DPF3: variants seen among roughly 807,000 people sequenced by gnomAD.
The protein encoded by DPF3 is double PHD fingers 3, also known as zinc finger protein DPF3.
DPF3 carries 18 observed loss-of-function variants against 56.8 expected under a neutral mutation model. That is an observed-to-expected ratio of 0.32 (90% CI 0.22 to 0.47). DPF3 has a LOEUF of 0.47. DPF3 is among the 20% of genes least tolerant of loss of function. The pLI is 1.00. For synonymous variants in DPF3, 188 were observed against 180.2 expected (o/e 1.04, Z -0.35); for missense variants, 403 against 488.8 (o/e 0.82, Z 1.65).
At chr14:72,647,633 T>G (rs1406045793) in intron 8 of DPF3, among the ~76,000 whole-genome samples, 1 of 152,230 alleles carries the variant, frequency 6.6e-6, no homozygotes, top group Non-Finnish European at 1.5e-5. Flanking sequence ...TAGGATACAT[T>G]TAAGACACGG....
intron 2 of DPF3, among the ~76,000 whole-genome samples, chr14:72,770,384 G>A (rs977178467): frequency 1.3e-5 from 2 of 152,212 alleles, no homozygotes; most frequent in Non-Finnish European, 2.9e-5. Context: ...ACATTAACCA[G>A]TTGCAATGTA....
At chr14:72,765,806 G>A (rs890561868) in intron 2 of DPF3, among the ~76,000 whole-genome samples, 4 of 152,094 alleles carry the variant, frequency 2.6e-5, no homozygotes, top group South Asian at 2.1e-4. Flanking sequence ...ATAATTAGCC[G>A]GGGAGGCTGA....
intron 1 of DPF3, among the ~76,000 whole-genome samples, chr14:72,793,349 C>T (rs369054046): frequency 1.3e-5 from 2 of 152,214 alleles, no homozygotes; most frequent in South Asian, 4.1e-4. Context: ...GCTGAGGTCA[C>T]TTGCTTTCTC....
At chr14:72,682,883 A>T (rs987671786) in intron 7 of DPF3, among the ~76,000 whole-genome samples, 6 of 152,210 alleles carry the variant, frequency 3.9e-5, no homozygotes, top group African/African-American at 1.4e-4. Flanking sequence ...CTGCCCCTTC[A>T]ATTTGACAGT....
chr14:72,864,662 A>G (rs531167483), intron 1 of DPF3, among the ~76,000 whole-genome samples: 9 of 151,592 alleles, frequency 5.9e-5, no homozygotes, highest in African/African-American at 1.9e-4. Flanking sequence ...GTTGGCACTC[A>G]GTAATTAGCG....
At chr14:72,710,595 C>T (rs1599375974) in intron 6 of DPF3, among the ~76,000 whole-genome samples, 1 of 152,202 alleles carries the variant, frequency 6.6e-6, no homozygotes, top group African/African-American at 2.4e-5. Context: ...CTTGGCCTTC[C>T]CTCCAGTGAT....
At chr14:72,660,638 AT>A (rs2153569193) in intron 8 of DPF3, among the ~76,000 whole-genome samples, 1 of 152,354 alleles carries the variant, frequency 6.6e-6, no homozygotes, top group East Asian at 1.9e-4. Flanking sequence ...TAAATCTTGC[AT>A]TTTTGTGCAA....
chr14:72,878,209 C>A (rs1022612339), intron 1 of DPF3, among the ~76,000 whole-genome samples: 6 of 152,172 alleles, frequency 3.9e-5, no homozygotes, highest in Non-Finnish European at 8.8e-5. Context: ...GTGGTACCCT[C>A]TTCCAAAAAG....
At chr14:72,633,406 G>A (rs1276674796) in intron 8 of DPF3, among the ~76,000 whole-genome samples, 2 of 152,110 alleles carry the variant, frequency 1.3e-5, no homozygotes, top group East Asian at 3.9e-4. Flanking sequence ...GAGAAGAAAG[G>A]AGAATAGAGA....
At chr14:72,804,605 T>C (rs748928614) in intron 1 of DPF3, among the ~76,000 whole-genome samples, 54 of 151,970 alleles carry the variant, frequency 3.6e-4, no homozygotes, top group Middle Eastern at 3.4e-3. Context: ...GGCTGAGAGG[T>C]TGGGTTTGTT....
chr14:72,628,323 A>G (rs1884956931), intron 9 of DPF3, among the ~76,000 whole-genome samples: 1 of 152,110 alleles, frequency 6.6e-6, no homozygotes, highest in African/African-American at 2.4e-5. Context: ...TCATAAATAG[A>G]TATTTTAACC....
chr14:72,759,264 A>G (rs147440942), intron 2 of DPF3, among the ~76,000 whole-genome samples: 46 of 152,312 alleles, frequency 3.0e-4, no homozygotes, highest in African/African-American at 1.0e-3. Context: ...TGAAACCCAC[A>G]GGAAAAAACA....
intron 5 of DPF3, among the ~76,000 whole-genome samples, chr14:72,719,438 G>C (rs929009563): frequency 1.4e-4 from 21 of 152,042 alleles, no homozygotes; most frequent in Non-Finnish European, 1.3e-4. Context: ...AAAAAGGCAG[G>C]AGCTCAGCCC....
At chr14:72,630,395 C>T (rs1208302862) in intron 8 of DPF3, among the ~76,000 whole-genome samples, 1 of 152,144 alleles carries the variant, frequency 6.6e-6, no homozygotes, top group African/African-American at 2.4e-5. Flanking sequence ...CCAGGTCTAT[C>T]CTAAAAGGAC....
chr14:72,822,496 CATAA>C (rs1458484730), intron 1 of DPF3, among the ~76,000 whole-genome samples: 1 of 152,080 alleles, frequency 6.6e-6, no homozygotes, highest in Non-Finnish European at 1.5e-5. Flanking sequence ...TAAAAGGACA[CATAA>C]ATATTTATGT....
At chr14:72,650,480 G>A (rs1336978745) in intron 8 of DPF3, among the ~76,000 whole-genome samples, 4 of 152,220 alleles carry the variant, frequency 2.6e-5, no homozygotes, top group Non-Finnish European at 5.9e-5. Flanking sequence ...CCGGGGGCCA[G>A]GAGATCTTGG....
At chr14:72,849,311 T>G (rs1452165958) in intron 1 of DPF3, among the ~76,000 whole-genome samples, 1 of 152,002 alleles carries the variant, frequency 6.6e-6, no homozygotes, top group African/African-American at 2.4e-5. Context: ...TGGTGAGGGG[T>G]TGCACACACC....
Position 72,614,788 on chromosome 14 carries a change from AAG to A in DPF3, c.*4507_*4508del, listed in dbSNP as rs1883985503. On this transcript the variant is annotated 3_prime_UTR_variant, in exon 11 of 11. Coordinates refer to ENST00000556509, the MANE Select transcript of DPF3 (RefSeq NM_001280542.3). ...GATCACAAGCCTCAGAAAAAAAAAA[AAG>A]AGTTACAATCACTGTTCACTCCCAC... Among the ~76,000 whole-genome samples, 1 of 150,900 alleles carries A rather than the reference AAG, an allele frequency of 6.6e-6. No homozygotes were observed. Among genetic ancestry groups the A allele is most frequent in the Non-Finnish European group, 1.5e-5 (1 of 67,726 alleles).
chr14:72,833,354 G>A lies in DPF3; in HGVS notation c.32+60703C>T, dbSNP rs148856243. Among the ~76,000 whole-genome samples, 789 of 152,330 alleles carry A rather than the reference G, an allele frequency of 5.2e-3. 5 individuals are homozygous for A. Among genetic ancestry groups the A allele is most frequent in the African/African-American group, 0.018 (747 of 41,570 alleles). On this transcript the variant is annotated intron_variant, in intron 1 of 10. Transcript: ENST00000556509. ...ACCCTGACGGGGAATCCGGGAGGAG[G>A]CGAAGGCTTGGCAGAGGAACGTGGT...
Sources: gnomAD v4.1 joint callset for allele counts (sites outside exome capture counted in the v4.1 genomes callset) on GRCh38, gnomAD v4.1.1 for gene constraint, MANE v1.5 for transcripts, NCBI Gene and HGNC (gene_info 2026-07-23, HGNC 2026-07-21) for gene names.